Variants in RNF213 observed in about 807,000 individuals in gnomAD.
RNF213 encodes E3 ubiquitin-protein ligase RNF213.
RNF213 carries 341 observed loss-of-function variants against 514.4 expected under a neutral mutation model. The ratio of observed to expected loss-of-function variants is 0.66; its 90% CI spans 0.61 to 0.73. The LOEUF is 0.73. RNF213 is among the 30% of genes least tolerant of loss of function. The pLI is 0.00. For synonymous variants in RNF213, 2,655 were observed against 2,658.2 expected (o/e 1.00, Z 0.04); for missense variants, 5,767 against 6,615.6 (o/e 0.87, Z 4.45).
At chr17:80,321,038 C>A (rs967476214) in intron 17 of RNF213, 1 of 152,164 alleles carries the variant, frequency 6.6e-6, no homozygotes, top group Non-Finnish European at 1.5e-5. Context: ...TGTCCGTTTA[C>A]GTTAAGTATT....
At position 80,317,218 on chromosome 17, in the gene RNF213, C is replaced by A; in HGVS notation, c.2842C>A (p.Pro948Thr). 2.5e-6 allele frequency: 4 copies of A among 1,612,764 alleles called. No homozygotes were observed. Among genetic ancestry groups the A allele is most frequent in the Non-Finnish European group, 3.4e-6 (4 of 1,179,858 alleles). The change falls in exon 16 of 68, where the codon CCC becomes ACC. Residue 948 changes from proline (P) to threonine (T), a missense_variant. Transcript: ENST00000582970. The surrounding 1 kb of genome is among the most constrained non-coding windows in gnomAD (Gnocchi z 4.1). The part of the protein sequence containing the change: ...VWRRLVEIQF[P>T]AEHGWKESLL... ...GAGGCGGCTGGTGGAAATCCAATTC[C>A]CCGCGGAGCATGGCTGGAAGGAGTC...
intron 11 of RNF213, among the ~76,000 whole-genome samples, chr17:80,299,113 G>T (rs2045077579): frequency 6.6e-6 from 1 of 152,148 alleles, no homozygotes; most frequent in Admixed American, 6.5e-5. Context: ...GTACTTAAAA[G>T]AACAACAACA....
intron 1 of RNF213, among the ~76,000 whole-genome samples, chr17:80,262,701 T>C (rs992388409): frequency 2.0e-5 from 3 of 152,184 alleles, no homozygotes; most frequent in Admixed American, 6.5e-5. Context: ...GACCACAGAA[T>C]CTGTTTTGGG....
At chr17:80,291,996 G>T (rs2044748156) in intron 8 of RNF213, 169 bp downstream of exon 8, 2 of 728,228 alleles carry the variant, frequency 2.7e-6, no homozygotes, top group African/African-American at 1.7e-5. Context: ...CTGACTCTGG[G>T]TTGTGTCTCT....
chr17:80,278,786 T>G, intron 3 of RNF213: 1 of 1,537,134 alleles, frequency 6.5e-7, no homozygotes, highest in Non-Finnish European at 8.7e-7. Context: ...GAGGTTTTGG[T>G]AGATGCTGCT....
intron 11 of RNF213, among the ~76,000 whole-genome samples, chr17:80,299,421 CCTTTGCATAATG>C (rs1404330889): frequency 6.6e-6 from 1 of 152,106 alleles, no homozygotes; most frequent in African/African-American, 2.4e-5. Flanking sequence ...ACCATTTATA[CCTTTGCATAATG>C]CTGGCTTAAA....
chr17:80,353,469 C>T lies in RNF213; in HGVS notation c.10424-43C>T. 1 of 1,574,392 alleles carries T rather than the reference C, an allele frequency of 6.4e-7. No individual in the cohort carries two copies. Among genetic ancestry groups the T allele is most frequent in the Non-Finnish European group, 8.6e-7 (1 of 1,159,714 alleles). On this transcript the variant is annotated intron_variant, in intron 33 of 67. Coordinates refer to ENST00000582970, the MANE Select transcript of RNF213 (RefSeq NM_001256071.3). This position sits in a 1 kb window ranked among gnomAD's most constrained non-coding sequence, Gnocchi z 5.0. ...ATGGCACCGCTGCCAGTCCCTGTGCCACCTTCTGAGTGGTAACGCAATCAC... is the reference window on the plus strand; with the variant it reads ...ATGGCACCGCTGCCAGTCCCTGTGCTACCTTCTGAGTGGTAACGCAATCAC...
chr17:80,364,339 T>A (rs1231357593), intron 41 of RNF213, 94 bp from the exon 42 acceptor site: 1 of 1,574,528 alleles, frequency 6.4e-7, no homozygotes, highest in Admixed American at 1.7e-5. Context: ...GGACCCCGGG[T>A]CCCGCATCTC....
rs1204498033 is a variant in RNF213 at position 80,375,639 on chromosome 17, G to C, written c.13075-121G>C. The C allele has an allele frequency of 1.5e-5, 11 of 725,300 alleles. No individual in the cohort carries two copies. In the Admixed American group the frequency reaches 2.0e-4, roughly 13 times the overall value. The allele number at this position is 725,300 out of a possible 1,614,324, so 44.9% of individuals were successfully genotyped here. ...AATCGCTTGAACCCGAGAGGCAGAG[G>C]TTGCAGTGAGCCGAGATCATGCCAC... is the stretch of plus-strand genomic sequence containing the variant. On this transcript the variant is annotated intron_variant, in intron 50 of 67. Coordinates refer to ENST00000582970, the MANE Select transcript of RNF213 (RefSeq NM_001256071.3).
intron 61 of RNF213, 102 bp downstream of exon 61, chr17:80,385,723 CTG>C (rs2080210109): frequency 6.0e-6 from 6 of 993,906 alleles, no homozygotes; most frequent in Admixed American, 5.8e-5. Flanking sequence ...ACACCCAGCA[CTG>C]TGTTTGTTTG....
intron 40 of RNF213, 143 bp from the exon 41 acceptor site, chr17:80,363,466 C>T (rs1218307157): frequency 8.3e-6 from 10 of 1,201,388 alleles, no homozygotes; most frequent in African/African-American, 3.0e-5. Context: ...GGACACATCT[C>T]GCTGACGCTT....
In RNF213 at chr17:80,320,727, G is replaced by C. The variant is rs568996381; in HGVS notation, c.3024+1415G>C. ...TTGAAAGACCGCTCAGGCTGGACAC[G>C]GTTGCTCACGCCTGTAATCACGGCA... On this transcript the variant is annotated intron_variant, in intron 17 of 67. Transcript: ENST00000582970. The C allele has an allele frequency of 5.3e-5, 8 of 152,216 alleles. No individual in the cohort carries two copies. In the South Asian group the frequency reaches 1.7e-3, roughly 32 times the overall value. The allele number at this position is 152,216 out of a possible 1,614,324, so 9.4% of individuals were successfully genotyped here.
rs1043787212 is a variant in RNF213, at chr17:80,345,841, G to A, written c.7506G>A (p.Leu2502=). ...CTATAAGCTGTATCAAAGAAGTCCT[G>A]TGTGATCATATGGTGGATGGCCAGC... is the stretch of plus-strand genomic sequence containing the variant. ...TEAISCIKEV[L]CDHMVDGQPL... is the part of the protein sequence containing the mutation. Residue 2502 remains leucine, a synonymous_variant, in exon 29 of 68, where the codon CTG becomes CTA. Coordinates refer to ENST00000582970, the MANE Select transcript of RNF213 (RefSeq NM_001256071.3). This position sits in a 1 kb window ranked among gnomAD's most constrained non-coding sequence, Gnocchi z 6.0. 2.5e-6 allele frequency: 4 copies of A among 1,614,134 alleles called. No homozygotes were observed. Among genetic ancestry groups the A allele is most frequent in the East Asian group, 2.2e-5 (1 of 44,880 alleles).
chr17:80,385,254 C>T (rs943933148), intron 60 of RNF213, 83 bp downstream of exon 60: 22 of 1,553,214 alleles, frequency 1.4e-5, no homozygotes, highest in African/African-American at 9.5e-5. Context: ...CAGGGTGGGG[C>T]GGAGGGGAGG....
At chr17:80,315,109 TAAA>T (rs1568056460) in intron 15 of RNF213, among the ~76,000 whole-genome samples, 1 of 8,070 alleles carries the variant, frequency 1.2e-4, no homozygotes, top group Admixed American at 1.2e-3. Context: ...GTGATGGTGG[TAAA>T]GGTGATGGTG....
intron 2 of RNF213, among the ~76,000 whole-genome samples, chr17:80,267,824 CTT>C (rs71163943): frequency 4.1e-5 from 6 of 144,962 alleles, no homozygotes; most frequent in Non-Finnish European, 3.0e-5. Flanking sequence ...ATTTTCTTTT[CTT>C]TTTTTTTTTT....
At chr17:80,331,818 T>C (rs913539876) in intron 20 of RNF213, among the ~76,000 whole-genome samples, 188 bp from the exon 21 acceptor site, 1 of 152,236 alleles carries the variant, frequency 6.6e-6, no homozygotes, top group Non-Finnish European at 1.5e-5. Context: ...TTCTTTATCA[T>C]GAATATTGGT....
In RNF213 at chr17:80,298,375, C is replaced by T; in HGVS notation, c.2067C>T (p.Tyr689=). 1 of 1,614,200 alleles carries T rather than the reference C, an allele frequency of 6.2e-7. No homozygotes were observed. Among genetic ancestry groups the T allele is most frequent in the South Asian group, 1.1e-5 (1 of 91,086 alleles). ...AAAGATGCATGGACACAAGGACGTA[C>T]ACCTGGCTGGGCGCCCTGCCTGTCC... ...LCQRCMDTRT[Y]TWLGALPVLH... The change falls in exon 11 of 68, where the codon TAC becomes TAT. Residue 689 remains tyrosine (Y), a synonymous_variant. Coordinates refer to ENST00000582970, the MANE Select transcript of RNF213 (RefSeq NM_001256071.3).
intron 15 of RNF213, among the ~76,000 whole-genome samples, chr17:80,313,795 T>G (rs1347060743): frequency 5.1e-5 from 7 of 138,570 alleles, no homozygotes; most frequent in African/African-American, 1.9e-4. Context: ...GTGGTGAAGG[T>G]GATGGTGGAG....
Sources: allele counts gnomAD v4.1 joint callset (sites outside exome capture counted in the v4.1 genomes callset), GRCh38; gene constraint gnomAD v4.1.1; non-coding constraint Gnocchi (gnomAD v3.1); transcripts MANE v1.5; gene names NCBI Gene and HGNC (gene_info 2026-07-23, HGNC 2026-07-21).